Variants in DCDC2C observed in about 807,000 individuals in gnomAD.
The protein encoded by DCDC2C is doublecortin domain containing 2C, also known as doublecortin domain-containing protein 2C.
In DCDC2C, 44 loss-of-function variants were observed where a neutral mutation model predicts 45.0. That is an observed-to-expected ratio of 0.98 (90% CI 0.77 to 1.26). DCDC2C has a LOEUF of 1.26. DCDC2C is among the 50% of genes most tolerant of loss of function. The pLI is 0.00. For missense variants in DCDC2C, 447 were observed against 468.9 expected (o/e 0.95, Z 0.43); for synonymous variants, 187 against 178.8 (o/e 1.05, Z -0.37).
intron 2 of DCDC2C, among the ~76,000 whole-genome samples, chr2:3,724,327 C>T (rs1199751412): frequency 2.0e-5 from 3 of 152,162 alleles, no homozygotes; most frequent in African/African-American, 7.2e-5. Flanking sequence ...TGACGAAAGG[C>T]ATTGTAGGAT....
chr2:3,782,531 T>G (rs1172125845), intron 9 of DCDC2C, among the ~76,000 whole-genome samples: 2 of 151,374 alleles, frequency 1.3e-5, no homozygotes, highest in African/African-American at 2.4e-5. Flanking sequence ...CAGGCTGGAG[T>G]GCAGTGGTGC....
At chr2:3,814,830 G>A (rs544968200) in intron 10 of DCDC2C, among the ~76,000 whole-genome samples, 1 of 152,382 alleles carries the variant, frequency 6.6e-6, no homozygotes, top group African/African-American at 2.4e-5. Context: ...CCACAGACTG[G>A]CACAGCCAGT....
In DCDC2C at chr2:3,767,886, G is replaced by T; in HGVS notation, c.853+6G>T. 6.7e-7 allele frequency: 1 copy of T among 1,502,448 alleles called. No individual in the cohort carries two copies. Among genetic ancestry groups the T allele is most frequent in the Admixed American group, 2.5e-5 (1 of 40,518 alleles). 93.1% of individuals were successfully genotyped at this position (1,502,448 alleles called of 1,614,324 possible). The stretch of plus-strand genomic sequence containing the variant: ...TTTAGTCCAAAGGGGTGCAGGTGAC[G>T]TGCAGTTTCATTCTGCTGTAGGCAG... On this transcript the variant is annotated splice_donor_region_variant and intron_variant, in intron 7 of 10. Coordinates refer to ENST00000399143, the MANE Select transcript of DCDC2C (RefSeq NM_001287444.2).
At chr2:3,717,967 A>T (rs73910344) in intron 2 of DCDC2C, among the ~76,000 whole-genome samples, 1 of 152,092 alleles carries the variant, frequency 6.6e-6, no homozygotes, top group Non-Finnish European at 1.5e-5. Flanking sequence ...TGAGGGTCAG[A>T]TGTTCCTCTC....
chr2:3,831,742 G>A (rs566398527), intron 10 of DCDC2C, among the ~76,000 whole-genome samples: 2 of 152,208 alleles, frequency 1.3e-5, no homozygotes, highest in African/African-American at 4.8e-5. Flanking sequence ...CAGAGTCCTC[G>A]GATCAAACAC....
At chr2:3,725,426 T>C (rs1369130610) in intron 2 of DCDC2C, among the ~76,000 whole-genome samples, 2 of 103,286 alleles carry the variant, frequency 1.9e-5, no homozygotes, top group African/African-American at 6.6e-5. Flanking sequence ...GGCTGCCAGG[T>C]GGATCCCAGA....
rs1307686867 is a variant in DCDC2C at position 3,734,390 on chromosome 2, G to GAATCTAATCTAGGATGAGACAATC, written c.416+7313_416+7336dup. Among the ~76,000 whole-genome samples the GAATCTAATCTAGGATGAGACAATC allele has an allele frequency of 6.6e-6, 1 of 152,172 alleles. No individual in the cohort carries two copies. Among genetic ancestry groups the GAATCTAATCTAGGATGAGACAATC allele is most frequent in the Non-Finnish European group, 1.5e-5 (1 of 68,030 alleles). ...TACTTAGGGCAGAGGGGTTTCTGAT[G>GAATCTAATCTAGGATGAGACAATC]AATCTAATCTAGGATGAGACAATCA... On this transcript the variant is annotated intron_variant, in intron 3 of 10. Transcript: ENST00000399143. This position sits in a 1 kb window ranked among gnomAD's most constrained non-coding sequence, Gnocchi z 4.2.
intron 6 of DCDC2C, among the ~76,000 whole-genome samples, chr2:3,765,152 A>G (rs956840240): frequency 2.0e-5 from 3 of 152,202 alleles, no homozygotes; most frequent in Non-Finnish European, 4.4e-5. Context: ...GTGTCTATCA[A>G]TGCCCTGCAT....
intron 10 of DCDC2C, among the ~76,000 whole-genome samples, chr2:3,839,403 A>G (rs1200253309): frequency 6.6e-6 from 1 of 152,232 alleles, no homozygotes; most frequent in Non-Finnish European, 1.5e-5. Flanking sequence ...TACAAAAATA[A>G]ATGAAAATAA....
intron 10 of DCDC2C, chr2:3,844,302 T>TGGGACAGCCACACCC (rs1341991227): frequency 7.0e-6 from 1 of 143,450 alleles, no homozygotes; most frequent in Non-Finnish European, 1.5e-5. Context: ...CAGCCATGCC[T>TGGGACAGCCACACCC]GGGACAGCCA....
chr2:3,829,284 CTTTT>C (rs5828893), intron 10 of DCDC2C, among the ~76,000 whole-genome samples: 3 of 129,584 alleles, frequency 2.3e-5, no homozygotes, highest in Non-Finnish European at 1.6e-5. Context: ...ATGTCTTTTT[CTTTT>C]TTTTTTTTTT....
intron 10 of DCDC2C, among the ~76,000 whole-genome samples, chr2:3,806,259 T>C (rs142484940): frequency 3.5e-4 from 53 of 152,356 alleles, no homozygotes; most frequent in African/African-American, 1.3e-3. Context: ...TGTCTTGTTC[T>C]AAACGGCTCC....
At chr2:3,798,489 G>T (rs1169125168) in intron 10 of DCDC2C, among the ~76,000 whole-genome samples, 6 of 151,420 alleles carry the variant, frequency 4.0e-5, no homozygotes, top group Non-Finnish European at 8.9e-5. Context: ...ATTTTGGCAT[G>T]ATTTTGCAGC....
chr2:3,800,213 C>T (rs550811578), intron 10 of DCDC2C, among the ~76,000 whole-genome samples: 217 of 152,312 alleles, frequency 1.4e-3, no homozygotes, highest in Middle Eastern at 6.8e-3. Flanking sequence ...GGCAATGCCT[C>T]GCCCTGCTTC....
At position 3,741,295 on chromosome 2, in the gene DCDC2C, ATTAT is replaced by A. The variant is rs1669198370; in HGVS notation, c.417-621_417-618del. On this transcript the variant is annotated intron_variant, in intron 3 of 10. Transcript: ENST00000399143. ...CTCCAGAGAAAGGGAAAACAGCTACATTATTTAAGGCAAAATTATCTGCCTGTTT... is the reference window on the plus strand; with the variant it reads ...CTCCAGAGAAAGGGAAAACAGCTACATTAAGGCAAAATTATCTGCCTGTTT... Among the ~76,000 whole-genome samples the A allele has an allele frequency of 3.3e-5, 5 of 152,314 alleles. No individual in the cohort carries two copies. The South Asian group carries it at 1.0e-3, about 32-fold the overall frequency.
chr2:3,747,574 G>T (rs1372357409), intron 4 of DCDC2C, among the ~76,000 whole-genome samples: 1 of 152,238 alleles, frequency 6.6e-6, no homozygotes, highest in Non-Finnish European at 1.5e-5. Context: ...CCTGGCCCAG[G>T]GAGTAGCCCA....
At chr2:3,742,160 C>G in intron 4 of DCDC2C, 112 bp downstream of exon 4, 1 of 1,239,136 alleles carries the variant, frequency 8.1e-7, no homozygotes, top group Admixed American at 3.5e-5. Context: ...ACCATAAACT[C>G]TTAATTTTAA....
At chr2:3,762,538 G>A (rs977656064) in intron 6 of DCDC2C, among the ~76,000 whole-genome samples, 1 of 152,142 alleles carries the variant, frequency 6.6e-6, no homozygotes, top group Non-Finnish European at 1.5e-5. Flanking sequence ...CATGGCAGAA[G>A]GTGAAGGGAA....
rs146692346 is a variant in DCDC2C at position 3,841,167 on chromosome 2, G to T, written c.1066-5987G>T. ...TCGTGAAACTTGTGATAAGAAGTACGAGTTTCAGACGGGAGGCTTTAGACA... is the reference window on the plus strand; with the variant it reads ...TCGTGAAACTTGTGATAAGAAGTACTAGTTTCAGACGGGAGGCTTTAGACA... On this transcript the variant is annotated intron_variant, in intron 10 of 10. Transcript: ENST00000399143. 5.9e-5 allele frequency among the ~76,000 whole-genome samples: 9 copies of T among 152,228 alleles called. No individual in the cohort carries two copies. The East Asian group carries it at 1.7e-3, about 29-fold the overall frequency.
Sources: allele counts gnomAD v4.1 joint callset (sites outside exome capture counted in the v4.1 genomes callset), GRCh38; gene constraint gnomAD v4.1.1; non-coding constraint Gnocchi (gnomAD v3.1); transcripts MANE v1.5; gene names NCBI Gene and HGNC (gene_info 2026-07-23, HGNC 2026-07-21).